The following URB1 variants were observed in gnomAD, a reference collection of about 807,000 sequenced individuals.
URB1 encodes the protein nucleolar pre-ribosomal-associated protein 1.
Under a neutral mutation model 242.3 loss-of-function variants are expected in URB1, and 197 were observed. The observed-to-expected ratio is 0.81, with a 90% CI of 0.72 to 0.91. URB1 has a LOEUF of 0.91. Among genes scored for constraint, URB1 ranks in the 40% least tolerant of loss-of-function variants. URB1 has a pLI of 0.00. For missense variants in URB1, 2,721 were observed against 2,860.5 expected, an observed-to-expected ratio of 0.95 and a Z score of 1.11; for synonymous variants, 1,153 against 1,201.8, an observed-to-expected ratio of 0.96 and a Z score of 0.84.
intron 19 of URB1, 141 bp downstream of exon 19, chr21:32,352,569 C>A (rs2033169610): frequency 5.4e-6 from 5 of 933,720 alleles, no homozygotes; most frequent in Non-Finnish European, 8.0e-6. Context: ...AGCTTCCTCT[C>A]TTATGCAGGG....
chr21:32,385,007 A>AAAAGAAAGAAAGAAAGAAAGAAAGAAAG (rs56918578), intron 2 of URB1, among the ~76,000 whole-genome samples: 3 of 151,030 alleles, frequency 2.0e-5, no homozygotes, highest in African/African-American at 7.3e-5. Context: ...AAAAGAAAAG[A>AAAAGAAAGAAAGAAAGAAAGAAAGAAAG]AAAGAAAGAA....
chr21:32,323,003 A>G (rs1412877845), intron 32 of URB1, among the ~76,000 whole-genome samples: 1 of 152,172 alleles, frequency 6.6e-6, no homozygotes, highest in Non-Finnish European at 1.5e-5. Flanking sequence ...AGGCTCAGAC[A>G]CTACTGAGTG....
At chr21:32,364,881 T>C (rs1359610126) in intron 10 of URB1, among the ~76,000 whole-genome samples, 1 of 152,234 alleles carries the variant, frequency 6.6e-6, no homozygotes, top group Non-Finnish European at 1.5e-5. Flanking sequence ...GTCTTGGCTC[T>C]CGGAAAGGGC....
chr21:32,356,408 C>T (rs2033221371), intron 15 of URB1, among the ~76,000 whole-genome samples: 1 of 152,106 alleles, frequency 6.6e-6, no homozygotes, highest in Non-Finnish European at 1.5e-5. Flanking sequence ...ACAAAAAAGA[C>T]AATATGATCC....
In URB1 at chr21:32,354,922, G is replaced by C; in HGVS notation, c.2182C>G (p.Leu728Val). The C allele has an allele frequency of 6.4e-7, 1 of 1,552,350 alleles. No homozygotes were observed. Among genetic ancestry groups the C allele is most frequent in the Non-Finnish European group, 8.7e-7 (1 of 1,147,142 alleles). Residue 728 changes from leucine to valine, a missense_variant, in exon 17 of 39, where the codon CTG becomes GTG. Transcript: ENST00000382751. Reference protein sequence around the residue: ...ASDFVQEASMLQATMTKQEAD... With the variant: ...ASDFVQEASMVQATMTKQEAD... ...TCTTGCTTCGTCATAGTGGCCTGCA[G>C]CATGCTTGCTTCTTGGACAAAGTCA...
chr21:32,331,633 GGCCGGAACAAAA>G (rs1461884290), intron 30 of URB1, among the ~76,000 whole-genome samples: 2 of 152,292 alleles, frequency 1.3e-5, no homozygotes, highest in African/African-American at 4.8e-5. Context: ...CACACACAAA[GGCCGGAACAAAA>G]GCCTGTTCTC....
chr21:32,392,753 G>A lies in URB1; in HGVS notation c.142+16C>T. Reference sequence around the variant, plus strand: ...AGCCTGTGCTCCCGACCCTGCGCCTGCCGCCCCGGACTCACCTGGCCCGGG... The same window carrying A: ...AGCCTGTGCTCCCGACCCTGCGCCTACCGCCCCGGACTCACCTGGCCCGGG... On this transcript the variant is annotated intron_variant, in intron 1 of 38. Transcript: ENST00000382751. 18 of 1,421,858 alleles carry A rather than the reference G, an allele frequency of 1.3e-5. No homozygotes were observed. Among genetic ancestry groups the A allele is most frequent in the Non-Finnish European group, 1.7e-5 (18 of 1,086,716 alleles). The allele number at this position is 1,421,858 out of a possible 1,614,324, so 88.1% of individuals were successfully genotyped here. A position where few individuals can be genotyped will look rare whatever the true frequency, so the allele number is the denominator to read the frequency against.
At chr21:32,362,580 A>G (rs1351957313) in intron 11 of URB1, among the ~76,000 whole-genome samples, 3 of 152,176 alleles carry the variant, frequency 2.0e-5, no homozygotes, top group Non-Finnish European at 4.4e-5. Context: ...GATCATTAAA[A>G]CGAACCCCTT....
chr21:32,315,661 T>A (rs1206980848), intron 38 of URB1, among the ~76,000 whole-genome samples: 1 of 152,246 alleles, frequency 6.6e-6, no homozygotes, highest in Non-Finnish European at 1.5e-5. Flanking sequence ...AGTCTCTTCC[T>A]GGTTCTGACC....
At chr21:32,376,715 G>A (rs2123616617) in intron 5 of URB1, among the ~76,000 whole-genome samples, 1 of 152,182 alleles carries the variant, frequency 6.6e-6, no homozygotes. Context: ...TCCACTTACT[G>A]CAGCCTTGAC....
In URB1 at chr21:32,311,811, G is replaced by A; in HGVS notation, c.*3107C>T. On this transcript the variant is annotated 3_prime_UTR_variant, in exon 39 of 39. Coordinates refer to ENST00000382751, the MANE Select transcript of URB1 (RefSeq NM_014825.3). ...CTCACAGGCTCAGGCGAGCTCAGTG[G>A]AGCCAGGGAGCAGAACTGGCCCTGA... 1 of 1,614,062 alleles carries A rather than the reference G, an allele frequency of 6.2e-7. No homozygotes were observed. The highest frequency in any genetic ancestry group is 1.1e-5 in the South Asian group (1 of 91,074).
At chr21:32,337,371 C>G (rs971866443) in intron 27 of URB1, 33 bp downstream of exon 27, 17 of 1,535,450 alleles carry the variant, frequency 1.1e-5, no homozygotes, top group African/African-American at 2.7e-5. Flanking sequence ...ACTCCCTCCC[C>G]CTGCTCACAC....
At chr21:32,330,937 T>G (rs1462053487) in intron 30 of URB1, among the ~76,000 whole-genome samples, 1 of 152,230 alleles carries the variant, frequency 6.6e-6, no homozygotes, top group Admixed American at 6.5e-5. Context: ...AAGATCTCTA[T>G]GATATCCTAG....
chr21:32,316,099 GCACGCA>G (rs2032680035), intron 38 of URB1, among the ~76,000 whole-genome samples: 2 of 152,232 alleles, frequency 1.3e-5, no homozygotes, highest in African/African-American at 4.8e-5. Context: ...GCAAGCATAC[GCACGCA>G]CGCGCACACA....
Position 32,354,018 on chromosome 21 carries a change from G to A in URB1, c.2331C>T (p.Ile777=). Residue 777 remains isoleucine (I), a synonymous_variant, in exon 18 of 39, where the codon ATC becomes ATT. Coordinates refer to ENST00000382751, the MANE Select transcript of URB1 (RefSeq NM_014825.3). ...CCGCACTGAATGGGAACGTGAGCAG[G>A]ATCATGTCTTCACTCAACGTGAACC... ...EIGFTLSEDM[I]LLTFPFSAVV... 1 of 1,551,740 alleles carries A rather than the reference G, an allele frequency of 6.4e-7. No individual in the cohort carries two copies. Among genetic ancestry groups the A allele is most frequent in the Admixed American group, 2.0e-5 (1 of 50,998 alleles).
In URB1 at chr21:32,357,411, T is replaced by C. The variant is rs2033234677; in HGVS notation, c.1989+126A>G. On this transcript the variant is annotated intron_variant, in intron 15 of 38. Coordinates refer to ENST00000382751, the MANE Select transcript of URB1 (RefSeq NM_014825.3). ...CAATAAATTAAACTGCCATAAAACC[T>C]TCTATTTTAAAACTAAAAACAATTC... 2.7e-6 allele frequency: 3 copies of C among 1,095,188 alleles called. No individual in the cohort carries two copies. The Middle Eastern group carries it at 9.9e-4, about 361-fold the overall frequency. The allele number at this position is 1,095,188 out of a possible 1,614,324, so 67.8% of individuals were successfully genotyped here. A position where few individuals can be genotyped will look rare whatever the true frequency, so the allele number is the denominator to read the frequency against.
At chr21:32,374,341 C>T (rs2033436775) in intron 6 of URB1, among the ~76,000 whole-genome samples, 1 of 152,138 alleles carries the variant, frequency 6.6e-6, no homozygotes, top group South Asian at 2.1e-4. Flanking sequence ...CAAACCTAAC[C>T]CCAGAATCCC....
chr21:32,357,458 A>G, intron 15 of URB1, 79 bp downstream of exon 15: 1 of 1,293,050 alleles, frequency 7.7e-7, no homozygotes, highest in Non-Finnish European at 9.8e-7. Flanking sequence ...GAATTCAATA[A>G]CTGTTAACTA....
intron 1 of URB1, among the ~76,000 whole-genome samples, chr21:32,387,018 A>C (rs948750886): frequency 1.3e-5 from 2 of 152,166 alleles, no homozygotes; most frequent in African/African-American, 4.8e-5. Flanking sequence ...TCAGTATGCC[A>C]AGCATCAGTT....
Sources: gnomAD v4.1 joint callset for allele counts (sites outside exome capture counted in the v4.1 genomes callset) on GRCh38, gnomAD v4.1.1 for gene constraint, MANE v1.5 for transcripts, NCBI Gene and HGNC (gene_info 2026-07-23, HGNC 2026-07-21) for gene names.